SMCHD1: variants seen among roughly 807,000 people sequenced by gnomAD.
SMCHD1 encodes structural maintenance of chromosomes flexible hinge domain containing 1, also known as structural maintenance of chromosomes flexible hinge domain-containing protein 1.
A neutral mutation model predicts 254.7 loss-of-function variants in SMCHD1; 78 were observed. That is an observed-to-expected ratio of 0.31 (90% CI 0.26 to 0.37). SMCHD1 has a LOEUF of 0.37. Among genes scored for constraint, SMCHD1 ranks in the 10% least tolerant of loss-of-function variants. SMCHD1 has a pLI of 1.00. For synonymous variants in SMCHD1, 766 were observed against 794.9 expected (o/e 0.96, Z 0.61); for missense variants, 1,840 against 2,408.1 (o/e 0.76, Z 4.94).
chr18:2,792,326 A>G (rs2076181526), intron 45 of SMCHD1, among the ~76,000 whole-genome samples: 1 of 152,216 alleles, frequency 6.6e-6, no homozygotes, highest in African/African-American at 2.4e-5. Context: ...AACATGCTGT[A>G]CAGTTTTGTA....
chr18:2,703,227 A>C (rs1331115828), intron 12 of SMCHD1, among the ~76,000 whole-genome samples: 1 of 152,144 alleles, frequency 6.6e-6, no homozygotes, highest in East Asian at 1.9e-4. Flanking sequence ...ATGAAATTTT[A>C]CTACTGCAGA....
rs886072464 is a variant in SMCHD1 at position 2,720,021 on chromosome 18, T to C, written c.2458+1587T>C. Among the ~76,000 whole-genome samples the C allele has an allele frequency of 2.0e-5, 3 of 152,064 alleles. No homozygotes were observed. The South Asian group carries it at 6.2e-4, about 31-fold the overall frequency. On this transcript the variant is annotated intron_variant, in intron 19 of 47. Transcript: ENST00000320876. ...TTTTTTTGTAGAGACAGGGTCTTGC[T>C]ATGTTATGTTGCCCATTTCGGCCTC... is the stretch of plus-strand genomic sequence containing the variant.
intron 5 of SMCHD1, among the ~76,000 whole-genome samples, chr18:2,680,582 T>A (rs2073902573): frequency 6.6e-6 from 1 of 152,206 alleles, no homozygotes; most frequent in African/African-American, 2.4e-5. Context: ...GTAGTGAACC[T>A]CAAGGTAAGC....
intron 45 of SMCHD1, among the ~76,000 whole-genome samples, chr18:2,787,527 T>G (rs1054029716): frequency 6.6e-6 from 1 of 152,204 alleles, no homozygotes; most frequent in African/African-American, 2.4e-5. Context: ...AATGAGTGAA[T>G]ATCTAAAGAA....
At position 2,679,009 on chromosome 18, in the gene SMCHD1, G is replaced by A. The variant is rs1025994215; in HGVS notation, c.638+4864G>A. On this transcript the variant is annotated intron_variant, in intron 5 of 47. Coordinates refer to ENST00000320876, the MANE Select transcript of SMCHD1 (RefSeq NM_015295.3). Reference sequence around the variant, plus strand: ...ATTACAGGCATGCACCACAATGCCCGGCTAATTTTTGTATTTTTAGTAGAG... The same window carrying A: ...ATTACAGGCATGCACCACAATGCCCAGCTAATTTTTGTATTTTTAGTAGAG... Among the ~76,000 whole-genome samples the A allele has an allele frequency of 6.0e-5, 9 of 150,974 alleles. No individual in the cohort carries two copies. The South Asian group carries it at 6.3e-4, about 10-fold the overall frequency.
Position 2,750,081 on chromosome 18 carries a change from A to G in SMCHD1, c.3966A>G (p.Lys1322=). The stretch of plus-strand genomic sequence containing the variant: ...ACCAACAGCATAAAACAGATGAGAA[A>G]GGCAGGGCTAATTTGGGAGTATTCA... ...PSNQQHKTDE[K]GRANLGVFSV... is the part of the protein sequence containing the mutation. The change falls in exon 31 of 48, where the codon AAA becomes AAG. Residue 1322 remains lysine, a synonymous_variant. Coordinates refer to ENST00000320876, the MANE Select transcript of SMCHD1 (RefSeq NM_015295.3). 1 of 1,578,560 alleles carries G rather than the reference A, an allele frequency of 6.3e-7. No individual in the cohort carries two copies. The highest frequency in any genetic ancestry group is 8.6e-7 in the Non-Finnish European group (1 of 1,160,396).
At chr18:2,686,702 C>T (rs1033960592) in intron 5 of SMCHD1, among the ~76,000 whole-genome samples, 7 of 151,572 alleles carry the variant, frequency 4.6e-5, no homozygotes, top group African/African-American at 1.5e-4. Flanking sequence ...TATTTTGTGT[C>T]GACAGTTTGT....
At chr18:2,779,181 G>C (rs897471639) in intron 44 of SMCHD1, 2 of 144,398 alleles carry the variant, frequency 1.4e-5, no homozygotes, top group African/African-American at 4.9e-5. Flanking sequence ...ACTCTAAATT[G>C]TAAGTTTAAA....
At chr18:2,800,624 C>A (rs1216675548) in intron 47 of SMCHD1, 5 of 152,298 alleles carry the variant, frequency 3.3e-5, no homozygotes, top group African/African-American at 1.2e-4. Context: ...AGGCCTGAGT[C>A]ACCATGCTCG....
intron 17 of SMCHD1, among the ~76,000 whole-genome samples, chr18:2,709,914 G>A (rs2074629014): frequency 6.6e-6 from 1 of 152,152 alleles, no homozygotes; most frequent in South Asian, 2.1e-4. Context: ...CAAACAATTA[G>A]TTTCTTTTTT....
chr18:2,769,556 C>A, intron 37 of SMCHD1, 138 bp from the exon 38 acceptor site: 4 of 836,484 alleles, frequency 4.8e-6, no homozygotes, highest in Non-Finnish European at 7.3e-6. Flanking sequence ...TTAATGGAAT[C>A]TTAAGGATCA....
chr18:2,727,841 A>C (rs1343704745), intron 22 of SMCHD1, among the ~76,000 whole-genome samples: 3 of 152,094 alleles, frequency 2.0e-5, no homozygotes, highest in African/African-American at 7.2e-5. Context: ...TATTTTAAGT[A>C]ATTCTCTCCA....
intron 30 of SMCHD1, among the ~76,000 whole-genome samples, chr18:2,748,460 C>T (rs1301470262): frequency 7.9e-6 from 1 of 126,958 alleles, no homozygotes; most frequent in Non-Finnish European, 1.6e-5. Flanking sequence ...GTGGCGTGAT[C>T]TTGGCTCACT....
chr18:2,707,361 T>TTG, intron 15 of SMCHD1: 1 of 343,192 alleles, frequency 2.9e-6, no homozygotes, highest in Non-Finnish European at 5.2e-6. Flanking sequence ...GGTTTTTTTT[T>TTG]TTCTTCTTCT....
intron 34 of SMCHD1, among the ~76,000 whole-genome samples, chr18:2,755,532 T>C (rs1353651173): frequency 6.6e-6 from 1 of 151,538 alleles, no homozygotes; most frequent in Non-Finnish European, 1.5e-5. Flanking sequence ...TTTGTTATTT[T>C]CCAGTTTTTG....
At chr18:2,755,565 C>CTTTTTTTTT (rs11413061) in intron 34 of SMCHD1, among the ~76,000 whole-genome samples, 125 of 108,152 alleles carry the variant, frequency 1.2e-3, no homozygotes, top group South Asian at 1.6e-3. Flanking sequence ...TTCTTTCTTT[C>CTTTTTTTTT]TTTTTTTTTT....
intron 7 of SMCHD1, among the ~76,000 whole-genome samples, chr18:2,692,405 A>G (rs953189719): frequency 3.3e-5 from 5 of 152,170 alleles, no homozygotes; most frequent in Non-Finnish European, 7.4e-5. Flanking sequence ...ATCAAATATT[A>G]TCCGTAAACC....
chr18:2,669,280 C>T (rs1048484024), intron 3 of SMCHD1, among the ~76,000 whole-genome samples: 8 of 152,034 alleles, frequency 5.3e-5, no homozygotes, highest in South Asian at 2.1e-4. Flanking sequence ...CCAAGGAATT[C>T]GAGGCTATAG....
chr18:2,687,370 T>C (rs1332157423), intron 5 of SMCHD1, among the ~76,000 whole-genome samples: 1 of 152,230 alleles, frequency 6.6e-6, no homozygotes, highest in East Asian at 1.9e-4. Context: ...TTTTCTCTAG[T>C]TGACAATTTT....
Sources: gnomAD v4.1 joint callset for allele counts (sites outside exome capture counted in the v4.1 genomes callset) on GRCh38, gnomAD v4.1.1 for gene constraint, MANE v1.5 for transcripts, NCBI Gene and HGNC (gene_info 2026-07-23, HGNC 2026-07-21) for gene names.